The following OSBPL1A variants were observed in gnomAD, a reference collection of about 807,000 sequenced individuals.
OSBPL1A encodes the protein oxysterol-binding protein-related protein 1.
Under a neutral mutation model 137.1 loss-of-function variants are expected in OSBPL1A, and 80 were observed. The ratio of observed to expected loss-of-function variants is 0.58; its 90% CI spans 0.49 to 0.70. The LOEUF is 0.70. Among genes scored for constraint, OSBPL1A ranks in the 30% least tolerant of loss-of-function variants. OSBPL1A has a pLI of 0.00. For synonymous variants in OSBPL1A, 365 were observed against 389.7 expected (o/e 0.94, Z 0.75); for missense variants, 970 against 1,129.4 (o/e 0.86, Z 2.02).
chr18:24,225,077 G>T lies in OSBPL1A; in HGVS notation c.1566C>A (p.Gly522=). The change falls in exon 17 of 28, where the codon GGC becomes GGA. Residue 522 remains glycine, a synonymous_variant. Coordinates refer to ENST00000319481, the MANE Select transcript of OSBPL1A (RefSeq NM_080597.4). ...HRMSEEKDCG[G]GDALSNGIKK... ...TGATGCCATTGGAGAGAGCATCTCCGCCACCACAGTCTTTTTCTTCGGACA... is the reference window on the plus strand; with the variant it reads ...TGATGCCATTGGAGAGAGCATCTCCTCCACCACAGTCTTTTTCTTCGGACA... 1.2e-6 allele frequency: 2 copies of T among 1,614,144 alleles called. No homozygotes were observed. The highest frequency in any genetic ancestry group is 3.3e-5 in the Admixed American group (2 of 60,014).
chr18:24,303,863 G>T (rs754258130), intron 13 of OSBPL1A, 145 bp from the exon 14 acceptor site: 5 of 597,726 alleles, frequency 8.4e-6, no homozygotes, highest in Non-Finnish European at 1.4e-5. Flanking sequence ...AAAAAGGTGA[G>T]AGAAAATTTC....
chr18:24,309,414 G>A (rs971039732), intron 13 of OSBPL1A, among the ~76,000 whole-genome samples: 1 of 151,980 alleles, frequency 6.6e-6, no homozygotes, highest in South Asian at 2.1e-4. Context: ...AAACCCTTGG[G>A]CACAAGTGAT....
At chr18:24,270,228 G>A (rs1260699026) in intron 15 of OSBPL1A, among the ~76,000 whole-genome samples, 1 of 152,178 alleles carries the variant, frequency 6.6e-6, no homozygotes, top group African/African-American at 2.4e-5. Flanking sequence ...AATGATAAAT[G>A]TCAAAAATTG....
chr18:24,199,405 T>G (rs1056811958), intron 17 of OSBPL1A, among the ~76,000 whole-genome samples: 2 of 151,914 alleles, frequency 1.3e-5, no homozygotes, highest in Admixed American at 1.3e-4. Flanking sequence ...CCAGCTGCTA[T>G]GCACTTCAGC....
chr18:24,177,033 A>T (rs1280829289), intron 21 of OSBPL1A, among the ~76,000 whole-genome samples: 1 of 152,110 alleles, frequency 6.6e-6, no homozygotes, highest in East Asian at 1.9e-4. Flanking sequence ...TCTGGGGCAA[A>T]GGGGTAAAAG....
intron 15 of OSBPL1A, among the ~76,000 whole-genome samples, chr18:24,253,287 C>T (rs1470422958): frequency 2.0e-5 from 3 of 151,910 alleles, no homozygotes; most frequent in African/African-American, 7.2e-5. Flanking sequence ...AAAGACATTT[C>T]CATGTCCATG....
At chr18:24,330,057 C>T (rs1238457514) in intron 7 of OSBPL1A, among the ~76,000 whole-genome samples, 1 of 152,108 alleles carries the variant, frequency 6.6e-6, no homozygotes, top group Non-Finnish European at 1.5e-5. Flanking sequence ...ACCTTTTTAT[C>T]CTGAGGCTTT....
At chr18:24,179,609 C>T in intron 20 of OSBPL1A, 129 bp downstream of exon 20, 4 of 723,798 alleles carry the variant, frequency 5.5e-6, no homozygotes, top group South Asian at 1.9e-5. Flanking sequence ...AATAGCTATC[C>T]TAGAAACAAA....
chr18:24,329,732 GA>G (rs1398436345), intron 7 of OSBPL1A, among the ~76,000 whole-genome samples: 1 of 152,036 alleles, frequency 6.6e-6, no homozygotes, highest in Non-Finnish European at 1.5e-5. Flanking sequence ...AATGATTTAT[GA>G]CTGTAGCATA....
intron 14 of OSBPL1A, among the ~76,000 whole-genome samples, chr18:24,296,010 G>A (rs962609234): frequency 6.6e-6 from 1 of 151,908 alleles, no homozygotes; most frequent in African/African-American, 2.4e-5. Context: ...TTCCATATGA[G>A]TTTTAAGATT....
At chr18:24,258,878 C>T (rs10084101) in intron 15 of OSBPL1A, among the ~76,000 whole-genome samples, 99 of 147,686 alleles carry the variant, frequency 6.7e-4, no homozygotes, top group African/African-American at 2.3e-3. Flanking sequence ...AATCAACCTA[C>T]TTGCTGAAAT....
At chr18:24,189,164 G>A (rs2086824817) in intron 18 of OSBPL1A, among the ~76,000 whole-genome samples, 1 of 152,208 alleles carries the variant, frequency 6.6e-6, no homozygotes, top group Admixed American at 6.5e-5. Flanking sequence ...CTGCTCATTG[G>A]CTGACAAACT....
At chr18:24,388,005 A>G (rs1907054738) in intron 1 of OSBPL1A, among the ~76,000 whole-genome samples, 4 of 152,084 alleles carry the variant, frequency 2.6e-5, no homozygotes, top group Admixed American at 2.6e-4. Flanking sequence ...CATTGTTCTA[A>G]ACTCCGATGC....
At position 24,185,630 on chromosome 18, in the gene OSBPL1A, T is replaced by C. The variant is rs570696960; in HGVS notation, c.1678-4351A>G. On this transcript the variant is annotated intron_variant, in intron 18 of 27. Transcript: ENST00000319481. ...CACTGCACCCATCCAGGTTCACCGA[T>C]TGTAACAAATGGGCCGCCCTGGTGA... Among the ~76,000 whole-genome samples, 43 of 152,186 alleles carry C rather than the reference T, an allele frequency of 2.8e-4. No homozygotes were observed. In the East Asian group the frequency reaches 7.9e-3, roughly 28 times the overall value.
Position 24,366,885 on chromosome 18 carries a change from T to G in OSBPL1A, c.282+7A>C. The stretch of plus-strand genomic sequence containing the variant: ...CTTACAAACATTGAACATAGAATGA[T>G]TTTCACCTTTCGTCCTGTAAAGGCA... On this transcript the variant is annotated splice_region_variant and intron_variant, in intron 4 of 27. Transcript: ENST00000319481. 3 of 1,608,438 alleles carry G rather than the reference T, an allele frequency of 1.9e-6. No individual in the cohort carries two copies. Among genetic ancestry groups the G allele is most frequent in the Non-Finnish European group, 2.5e-6 (3 of 1,177,498 alleles).
rs1446121436 is a variant in OSBPL1A, at chr18:24,346,906, C to CT, written c.283-5249dup. The stretch of plus-strand genomic sequence containing the variant: ...TACAGGCACATGCCACTGTGCCTAG[C>CT]TATTTTTTTTTTTTTTCATTTTTTG... On this transcript the variant is annotated intron_variant, in intron 4 of 27. Coordinates refer to ENST00000319481, the MANE Select transcript of OSBPL1A (RefSeq NM_080597.4). Among the ~76,000 whole-genome samples the CT allele has an allele frequency of 1.4e-4, 12 of 84,580 alleles. No individual in the cohort carries two copies. In the South Asian group the frequency reaches 1.5e-3, roughly 10 times the overall value. 55.5% of individuals were successfully genotyped at this position (84,580 alleles called of 152,430 possible). A position where few individuals can be genotyped will look rare whatever the true frequency, so the allele number is the denominator to read the frequency against.
intron 11 of OSBPL1A, 75 bp downstream of exon 11, chr18:24,317,074 A>G: frequency 7.0e-7 from 1 of 1,434,698 alleles, no homozygotes; most frequent in South Asian, 1.2e-5. Flanking sequence ...ACAAGGCTGT[A>G]TAAATGATTT....
intron 7 of OSBPL1A, among the ~76,000 whole-genome samples, chr18:24,327,933 G>T (rs1332433380): frequency 6.6e-6 from 1 of 150,588 alleles, no homozygotes; most frequent in Non-Finnish European, 1.5e-5. Flanking sequence ...ATTTCATTTG[G>T]ACACTTCTGA....
intron 4 of OSBPL1A, among the ~76,000 whole-genome samples, chr18:24,364,049 T>C (rs2091667276): frequency 6.6e-6 from 1 of 152,158 alleles, no homozygotes; most frequent in Admixed American, 6.5e-5. Context: ...CATCTGCAAC[T>C]TTAACTTCCC....
Sources: gnomAD v4.1 joint callset for allele counts (sites outside exome capture counted in the v4.1 genomes callset) on GRCh38, gnomAD v4.1.1 for gene constraint, MANE v1.5 for transcripts, NCBI Gene and HGNC (gene_info 2026-07-23, HGNC 2026-07-21) for gene names.